The following FAM161B variants were observed in gnomAD, a reference collection of about 807,000 sequenced individuals.
FAM161B encodes the protein FAM161 centrosomal protein B.
FAM161B carries 46 observed loss-of-function variants against 61.5 expected under a neutral mutation model. The observed-to-expected ratio is 0.75, with a 90% confidence interval of 0.59 to 0.96. The LOEUF is 0.96. FAM161B is among the 40% of genes least tolerant of loss of function. The probability of loss-of-function intolerance (pLI) is 0.00; values close to 1 mark genes in which losing one functional copy is unlikely to be tolerated. For synonymous variants in FAM161B, 284 were observed against 302.7 expected, an observed-to-expected ratio of 0.94 and a Z score of 0.64; for missense variants, 774 against 800.7, an observed-to-expected ratio of 0.97 and a Z score of 0.40.
rs545669063 is a variant in FAM161B, at chr14:73,940,838, T to TA, written c.1400+87dup. The TA allele has an allele frequency of 5.4e-4, 808 of 1,507,992 alleles. 3 individuals are homozygous for TA. The highest frequency in any genetic ancestry group is 1.8e-3 in the Middle Eastern group (8 of 4,328). The allele number at this position is 1,507,992 out of a possible 1,614,324, so 93.4% of individuals were successfully genotyped here. ...CTTTGACCCCTTGAGGTATCTCTGA[T>TA]AACAGGAAAGGAGGCCCCTTGGCAG... On this transcript the variant is annotated intron_variant, in intron 5 of 8. Transcript: ENST00000286544.
chr14:73,937,886 T>C, intron 6 of FAM161B, 62 bp downstream of exon 6: 2 of 1,598,404 alleles, frequency 1.3e-6, no homozygotes, highest in Non-Finnish European at 1.7e-6. Flanking sequence ...TTTCTGGCAA[T>C]AGGCCAGTGG....
intron 5 of FAM161B, 66 bp downstream of exon 5, chr14:73,940,860 G>C: frequency 2.6e-6 from 4 of 1,542,882 alleles, no homozygotes; most frequent in Non-Finnish European, 3.5e-6. Flanking sequence ...AGGCCCCTTG[G>C]CAGGGAGGTT....
chr14:73,942,237 T>G (rs960631648), intron 4 of FAM161B, 132 bp downstream of exon 4: 5 of 863,636 alleles, frequency 5.8e-6, no homozygotes, highest in Non-Finnish European at 8.7e-6. Flanking sequence ...AAAGTGAATC[T>G]GCTTACAACT....
chr14:73,935,844 T>C, intron 8 of FAM161B, 105 bp downstream of exon 8: 2 of 1,292,678 alleles, frequency 1.5e-6, no homozygotes. Flanking sequence ...AAATACAGGA[T>C]TATGATCTCA....
chr14:73,944,303 A>G, intron 3 of FAM161B, 32 bp downstream of exon 3: 1 of 1,541,954 alleles, frequency 6.5e-7, no homozygotes, highest in Non-Finnish European at 8.8e-7. Context: ...TCCCCGAGGC[A>G]GGAGGCAGCA....
Position 73,944,536 on chromosome 14 carries a change from GC to G in FAM161B, c.723del (p.Arg241SerfsTer16), listed in dbSNP as rs2056047334. On this transcript the variant is annotated frameshift_variant, in exon 3 of 9. Coordinates refer to ENST00000286544, the MANE Select transcript of FAM161B (RefSeq NM_152445.3). LOFTEE classifies it high-confidence loss of function. ...TCCTTCCTCTTCTGGATCCCTGCCT[GC>G]CTTCGGGCCTCGCTGCGCTCCATGA... ...QEIMERSEARRQAGIQKRKEL... is the reference protein window; with the variant it reads ...QEIMERSEARXQAGIQKRKEL... 1 of 1,614,046 alleles carries G rather than the reference GC, an allele frequency of 6.2e-7. No homozygotes were observed. Among genetic ancestry groups the G allele is most frequent in the African/African-American group, 1.3e-5 (1 of 74,922 alleles).
chr14:73,945,743 T>G (rs2056060926), intron 2 of FAM161B, among the ~76,000 whole-genome samples: 2 of 151,940 alleles, frequency 1.3e-5, no homozygotes, highest in African/African-American at 4.8e-5. Flanking sequence ...TTAAATTTTA[T>G]TTTATTTTTA....
chr14:73,926,337 T>C, the FAM161B span, among the ~76,000 whole-genome samples: 2 of 152,002 alleles, frequency 1.3e-5, no homozygotes, highest in Non-Finnish European at 2.9e-5. Flanking sequence ...TGTCTGTATA[T>C]TGCATTTGTT....
At chr14:73,931,548 G>T, downstream of FAM161B, 1 of 1,610,744 alleles carries the variant, frequency 6.2e-7, no homozygotes, top group Non-Finnish European at 8.5e-7. Flanking sequence ...ATGAGCGTGG[G>T]TGCTGACTCC....
Position 73,937,588 on chromosome 14 carries a change from T to C in FAM161B, c.1665+14A>G, listed in dbSNP as rs2055980275. 1.3e-6 allele frequency: 2 copies of C among 1,599,178 alleles called. No homozygotes were observed. Among genetic ancestry groups the C allele is most frequent in the Non-Finnish European group, 1.7e-6 (2 of 1,172,302 alleles). On this transcript the variant is annotated intron_variant, in intron 7 of 8. Transcript: ENST00000286544. The stretch of plus-strand genomic sequence containing the variant: ...TCTAAGGCAGAAAGAAAACAAATGA[T>C]GGTTTAGTTTTACCTTGGCAACTTG...
intron 5 of FAM161B, among the ~76,000 whole-genome samples, chr14:73,940,299 T>TCTG (rs2056006647): frequency 6.6e-6 from 1 of 152,194 alleles, no homozygotes; most frequent in Non-Finnish European, 1.5e-5. Flanking sequence ...CCCAACAGAC[T>TCTG]CTGACATCTT....
rs2055984782 is a variant in FAM161B, at chr14:73,937,980, C to T, written c.1533G>A (p.Glu511=). ...CTTTCAGCTTTGCTTTGAACACTTC[C>T]TCCAGGCTTTTATGGGGATCCATGG... The part of the protein sequence containing the change: ...AKAMDPHKSL[E]EVFKAKLKEN... The change falls in exon 6 of 9, where the codon GAG becomes GAA. Residue 511 remains glutamate (E), a synonymous_variant. Coordinates refer to ENST00000286544, the MANE Select transcript of FAM161B (RefSeq NM_152445.3). The T allele has an allele frequency of 1.2e-6, 2 of 1,614,248 alleles. No individual in the cohort carries two copies. Among genetic ancestry groups the T allele is most frequent in the Non-Finnish European group, 1.7e-6 (2 of 1,180,048 alleles).
intron 8 of FAM161B, among the ~76,000 whole-genome samples, chr14:73,934,913 A>G (rs1204533550): frequency 2.6e-5 from 4 of 151,778 alleles, no homozygotes; most frequent in Admixed American, 1.3e-4. Context: ...TGGGCGTGGT[A>G]GTGGACACCT....
intron 2 of FAM161B, among the ~76,000 whole-genome samples, chr14:73,946,068 T>G (rs1421630188): frequency 1.3e-5 from 2 of 152,190 alleles, no homozygotes; most frequent in Non-Finnish European, 2.9e-5. Flanking sequence ...TTAATTCCAG[T>G]GCATCACTGG....
chr14:73,944,251 C>A (rs1392148726), intron 3 of FAM161B, 84 bp downstream of exon 3: 2 of 1,512,608 alleles, frequency 1.3e-6, no homozygotes, highest in Non-Finnish European at 1.8e-6. Context: ...CCAAGCCAGG[C>A]AGATCCCTGG....
At chr14:73,941,997 C>T (rs1043294405) in intron 4 of FAM161B, among the ~76,000 whole-genome samples, 4 of 152,164 alleles carry the variant, frequency 2.6e-5, no homozygotes, top group Admixed American at 6.5e-5. Flanking sequence ...TGAGCCACCA[C>T]GCCTGGCCTG....
intron 2 of FAM161B, 52 bp downstream of exon 2, chr14:73,946,234 T>G (rs2056064845): frequency 2.6e-6 from 4 of 1,536,018 alleles, no homozygotes; most frequent in African/African-American, 1.4e-5. Context: ...AGACACGATG[T>G]GACCTGTGTG....
rs1234977163 is a variant in FAM161B at position 73,936,002 on chromosome 14, AC to A, written c.1751del (p.Gly584ValfsTer35). ...TCTCTTGAACAGCCCGGGTGCCTTG[AC>A]CCTTGTTTCTCACAAAGTCTTCCTC... ...GLEEDFVRNK[G>X]QGTRAVQEKE... On this transcript the variant is annotated frameshift_variant, in exon 8 of 9. Coordinates refer to ENST00000286544, the MANE Select transcript of FAM161B (RefSeq NM_152445.3). LOFTEE classifies it high-confidence loss of function. 60 of 1,613,452 alleles carry A rather than the reference AC, an allele frequency of 3.7e-5. No homozygotes were observed. The highest frequency in any genetic ancestry group is 4.7e-5 in the Non-Finnish European group (56 of 1,179,728).
At chr14:73,941,385 G>C (rs185861480) in intron 4 of FAM161B, among the ~76,000 whole-genome samples, 252 of 152,222 alleles carry the variant, frequency 1.7e-3, no homozygotes, top group African/African-American at 5.5e-3. Flanking sequence ...GCCTCCCAAA[G>C]TGCTGGGATT....
Sources: gnomAD v4.1 joint callset for allele counts (sites outside exome capture counted in the v4.1 genomes callset) on GRCh38, gnomAD v4.1.1 for gene constraint, MANE v1.5 for transcripts, NCBI Gene and HGNC (gene_info 2026-07-23, HGNC 2026-07-21) for gene names.